Variants in KSR2 observed in about 807,000 individuals in gnomAD.
KSR2 encodes the protein kinase suppressor of ras 2.
A neutral mutation model predicts 107.8 loss-of-function variants in KSR2; 25 were observed. The observed-to-expected ratio is 0.23, with a 90% CI of 0.17 to 0.32. KSR2 has a LOEUF of 0.32. Ranked by LOEUF, KSR2 falls within the 10% of genes least tolerant of loss-of-function variation. The pLI is 1.00. For missense variants in KSR2, 887 were observed against 1,268.9 expected (o/e 0.70, Z 4.57); for synonymous variants, 480 against 507.0 (o/e 0.95, Z 0.71).
chr12:117,488,463 T>C (rs1354253742), intron 14 of KSR2, among the ~76,000 whole-genome samples: 1 of 152,144 alleles, frequency 6.6e-6, no homozygotes, highest in African/African-American at 2.4e-5. Context: ...CCCAACGTGA[T>C]GGTATTAGGA....
At chr12:117,591,273 G>C (rs944534930) in intron 5 of KSR2, among the ~76,000 whole-genome samples, 2 of 152,182 alleles carry the variant, frequency 1.3e-5, no homozygotes, top group African/African-American at 2.4e-5. Flanking sequence ...CACTGCTTCT[G>C]TCTGGATTAA....
intron 9 of KSR2, among the ~76,000 whole-genome samples, chr12:117,543,616 C>G (rs1185338124): frequency 6.6e-6 from 1 of 151,936 alleles, no homozygotes; most frequent in Non-Finnish European, 1.5e-5. Context: ...TGTGTTAAAC[C>G]TATATATGAA....
At chr12:117,902,283 A>T (rs1170615885) in intron 1 of KSR2, among the ~76,000 whole-genome samples, 1 of 152,020 alleles carries the variant, frequency 6.6e-6, no homozygotes, top group Non-Finnish European at 1.5e-5. Flanking sequence ...ACATGGTGAA[A>T]CCCCGTCTCT....
rs141732366 is a variant in KSR2 at position 117,873,017 on chromosome 12, G to A, written c.181-12586C>T. 3.8e-3 allele frequency among the ~76,000 whole-genome samples: 584 copies of A among 152,254 alleles called. 5 individuals are homozygous for A. Among genetic ancestry groups the A allele is most frequent in the Non-Finnish European group, 5.8e-3 (395 of 68,010 alleles). Reference sequence around the variant, plus strand: ...CAGAAGGGCAGCCAGGGTTCAGTGCGGGCATCAAGGATGCCAAGTCAAGAG... The same window carrying A: ...CAGAAGGGCAGCCAGGGTTCAGTGCAGGCATCAAGGATGCCAAGTCAAGAG... On this transcript the variant is annotated intron_variant, in intron 1 of 19. Coordinates refer to ENST00000339824, the MANE Select transcript of KSR2 (RefSeq NM_173598.6).
chr12:117,518,621 G>A (rs900591687), intron 14 of KSR2, among the ~76,000 whole-genome samples: 1 of 152,156 alleles, frequency 6.6e-6, no homozygotes, highest in African/African-American at 2.4e-5. Flanking sequence ...GAGTAGCGTG[G>A]GCAGCTGCCA....
At chr12:117,593,022 A>G (rs1445568535) in intron 5 of KSR2, among the ~76,000 whole-genome samples, 1 of 152,104 alleles carries the variant, frequency 6.6e-6, no homozygotes, top group African/African-American at 2.4e-5. Context: ...TTTTACCGCT[A>G]TGATCTGGAA....
rs1041221444 is a variant in KSR2, at chr12:117,842,755, A to G, written c.472+12673T>C. On this transcript the variant is annotated intron_variant, in intron 3 of 19. Coordinates refer to ENST00000339824, the MANE Select transcript of KSR2 (RefSeq NM_173598.6). This position sits in a 1 kb window ranked among gnomAD's most constrained non-coding sequence, Gnocchi z 4.2. ...CAAAAGCCAGATGCTGGCCACATGAAGCAGCAGGTGGGCAAGACAGAGGGG... is the reference window on the plus strand; with the variant it reads ...CAAAAGCCAGATGCTGGCCACATGAGGCAGCAGGTGGGCAAGACAGAGGGG... Among the ~76,000 whole-genome samples, 4 of 152,158 alleles carry G rather than the reference A, an allele frequency of 2.6e-5. No individual in the cohort carries two copies. Among genetic ancestry groups the G allele is most frequent in the African/African-American group, 9.7e-5 (4 of 41,444 alleles).
At chr12:117,592,121 C>CTT (rs879610889) in intron 5 of KSR2, among the ~76,000 whole-genome samples, 6 of 142,300 alleles carry the variant, frequency 4.2e-5, no homozygotes, top group African/African-American at 1.0e-4. Context: ...TTCCCCCCAA[C>CTT]TTTTTTTTTT....
At chr12:117,524,774 T>A in intron 14 of KSR2, 78 bp downstream of exon 14, 1 of 1,510,242 alleles carries the variant, frequency 6.6e-7, no homozygotes, top group Non-Finnish European at 8.9e-7. Flanking sequence ...AGTGGTCAAG[T>A]AAGCAGAAAA....
intron 5 of KSR2, among the ~76,000 whole-genome samples, chr12:117,609,677 C>T (rs1347949907): frequency 6.6e-6 from 1 of 152,192 alleles, no homozygotes; most frequent in African/African-American, 2.4e-5. Flanking sequence ...GTAGTCGTGA[C>T]AGAGGCCATA....
intron 1 of KSR2, among the ~76,000 whole-genome samples, chr12:117,883,780 G>A (rs1210809623): frequency 1.3e-5 from 2 of 151,238 alleles, no homozygotes; most frequent in African/African-American, 4.9e-5. Flanking sequence ...GGAGGCTGAG[G>A]CAGGAGAATT....
intron 5 of KSR2, among the ~76,000 whole-genome samples, chr12:117,586,344 T>C (rs1392535684): frequency 6.6e-6 from 1 of 152,042 alleles, no homozygotes; most frequent in African/African-American, 2.4e-5. Flanking sequence ...CACAATACTT[T>C]GGGAGGCCAA....
intron 3 of KSR2, among the ~76,000 whole-genome samples, chr12:117,812,502 C>A (rs564985343): frequency 2.6e-5 from 4 of 152,152 alleles, no homozygotes; most frequent in African/African-American, 9.6e-5. Context: ...TCATTCCAAG[C>A]GAAGTCTTCA....
At chr12:117,918,224 C>T (rs976719049) in intron 1 of KSR2, among the ~76,000 whole-genome samples, 9 of 152,202 alleles carry the variant, frequency 5.9e-5, no homozygotes, top group East Asian at 1.9e-4. Context: ...TTGGCACCTC[C>T]GTGCATTTCA....
At chr12:117,471,887 A>G (rs1871480479) in intron 17 of KSR2, among the ~76,000 whole-genome samples, 2 of 152,210 alleles carry the variant, frequency 1.3e-5, no homozygotes, top group African/African-American at 2.4e-5. Context: ...ACCATTATAT[A>G]TGTATGAACA....
intron 4 of KSR2, among the ~76,000 whole-genome samples, chr12:117,742,191 G>C (rs1177697409): frequency 6.6e-6 from 1 of 152,202 alleles, no homozygotes; most frequent in East Asian, 1.9e-4. Flanking sequence ...GAGAAAGCAA[G>C]TCCCAGGAAT....
chr12:117,792,972 C>A (rs907158382), intron 3 of KSR2, among the ~76,000 whole-genome samples: 2 of 142,590 alleles, frequency 1.4e-5, no homozygotes, highest in East Asian at 2.1e-4. Context: ...ACACAACATG[C>A]ACACACTCTC....
intron 16 of KSR2, 100 bp downstream of exon 16, chr12:117,484,316 C>T: frequency 2.9e-6 from 4 of 1,385,940 alleles, no homozygotes; most frequent in Non-Finnish European, 4.0e-6. Flanking sequence ...AACCTCAGGA[C>T]CAACCCTGAG....
intron 4 of KSR2, among the ~76,000 whole-genome samples, chr12:117,701,404 T>C (rs1419267098): frequency 6.6e-6 from 1 of 152,170 alleles, no homozygotes; most frequent in Non-Finnish European, 1.5e-5. Context: ...GAAGACTTTA[T>C]AAAATCATAA....
Sources: gnomAD v4.1 joint callset for allele counts (sites outside exome capture counted in the v4.1 genomes callset) on GRCh38, gnomAD v4.1.1 for gene constraint, Gnocchi (gnomAD v3.1) non-coding constraint, MANE v1.5 for transcripts, NCBI Gene and HGNC (gene_info 2026-07-23, HGNC 2026-07-21) for gene names.